PSPC1: variants seen among roughly 807,000 people sequenced by gnomAD.
PSPC1 encodes paraspeckle component 1.
A neutral mutation model predicts 51.6 loss-of-function variants in PSPC1; 14 were observed. The ratio of observed to expected loss-of-function variants is 0.27; its 90% CI spans 0.18 to 0.42. The LOEUF is 0.42. Among genes scored for constraint, PSPC1 ranks in the 10% least tolerant of loss-of-function variants. PSPC1 has a pLI of 1.00. For missense variants in PSPC1, 406 were observed against 701.1 expected (o/e 0.58, Z 4.75); for synonymous variants, 193 against 231.9 (o/e 0.83, Z 1.53).
intron 7 of PSPC1, among the ~76,000 whole-genome samples, chr13:19,707,960 T>C (rs1593582312): frequency 6.6e-6 from 1 of 152,360 alleles, no homozygotes; most frequent in East Asian, 1.9e-4. Flanking sequence ...GACATCATTA[T>C]ACTCAATTAT....
chr13:19,782,351 C>A lies in PSPC1; in HGVS notation c.372+35G>T, dbSNP rs1296671786. The A allele has an allele frequency of 1.9e-6, 3 of 1,550,338 alleles. No homozygotes were observed. The highest frequency in any genetic ancestry group is 1.7e-6 in the Non-Finnish European group (2 of 1,149,358). ...ACGACCCCGCGGCCACCCCGACAGT[C>A]CTTTTGTTCCCTCGCGCGGGCGCCT... On this transcript the variant is annotated intron_variant, in intron 1 of 8. Transcript: ENST00000338910. This position sits in a 1 kb window ranked among gnomAD's most constrained non-coding sequence, Gnocchi z 4.5.
intron 2 of PSPC1, 28 bp from the exon 3 acceptor site, chr13:19,759,446 A>G: frequency 6.7e-7 from 1 of 1,496,270 alleles, no homozygotes; most frequent in East Asian, 2.3e-5. Context: ...CATTCATAAA[A>G]ATTAACACAG....
intron 1 of PSPC1, among the ~76,000 whole-genome samples, chr13:19,779,805 TACTGGGAAGTGAGGAGCCCCTCTGCCC>T (rs1889699442): frequency 2.1e-4 from 14 of 67,648 alleles, no homozygotes; most frequent in Admixed American, 1.3e-3. Flanking sequence ...CGGCCGCCCC[TACTGGGAAGTGAGGAGCCCCTCTGCCC>T]GGCCAGCCGC....
At chr13:19,703,940 T>G (rs942817023) in intron 8 of PSPC1, among the ~76,000 whole-genome samples, 2 of 152,202 alleles carry the variant, frequency 1.3e-5, no homozygotes, top group Admixed American at 1.3e-4. Flanking sequence ...AAAATTAATG[T>G]AATAACATGC....
chr13:19,728,268 A>C (rs772667311), intron 6 of PSPC1, among the ~76,000 whole-genome samples: 7 of 152,146 alleles, frequency 4.6e-5, no homozygotes, highest in Middle Eastern at 3.2e-3. Context: ...GTTTTGTTGG[A>C]ATATTTCTAT....
downstream of PSPC1, among the ~76,000 whole-genome samples, chr13:19,698,694 A>ATTT (rs747035702): frequency 4.6e-5 from 7 of 151,964 alleles, no homozygotes; most frequent in Non-Finnish European, 8.8e-5. Flanking sequence ...AGAAAGGCAC[A>ATTT]TTTAAAAAGA....
intron 2 of PSPC1, among the ~76,000 whole-genome samples, chr13:19,771,992 G>T (rs942476505): frequency 1.3e-5 from 2 of 152,100 alleles, no homozygotes; most frequent in Non-Finnish European, 2.9e-5. Flanking sequence ...ATTTTACTTT[G>T]TATATATGTT....
At chr13:19,776,514 CA>C (rs1163234244) in intron 1 of PSPC1, among the ~76,000 whole-genome samples, 1 of 151,264 alleles carries the variant, frequency 6.6e-6, no homozygotes, top group Non-Finnish European at 1.5e-5. Flanking sequence ...TTACTATATG[CA>C]AATTTTTTTT....
At chr13:19,672,736 G>C (rs945831142), downstream of PSPC1, 3 of 168,282 alleles carry the variant, frequency 1.8e-5, no homozygotes, top group African/African-American at 7.2e-5. Flanking sequence ...TTTTCAAAGG[G>C]TAACAAGAGA....
At chr13:19,678,773 T>C (rs1373203538) in intron 6 of PSPC1, 1 of 152,306 alleles carries the variant, frequency 6.6e-6, no homozygotes, top group Non-Finnish European at 1.5e-5. Context: ...TGTTTTTGTT[T>C]TGAGAGAGGG....
chr13:19,698,830 C>T (rs2137693293), downstream of PSPC1, among the ~76,000 whole-genome samples: 1 of 151,930 alleles, frequency 6.6e-6, no homozygotes, highest in East Asian at 1.9e-4. Flanking sequence ...TATGTATAAA[C>T]TCTGGCTATA....
chr13:19,734,997 C>A (rs200275278), intron 5 of PSPC1, among the ~76,000 whole-genome samples: 3 of 147,588 alleles, frequency 2.0e-5, no homozygotes, highest in Admixed American at 1.4e-4. Context: ...AACAAACAAA[C>A]AAACAAAAAA....
intron 6 of PSPC1, among the ~76,000 whole-genome samples, chr13:19,693,832 A>C (rs1402986129): frequency 1.3e-5 from 2 of 152,150 alleles, no homozygotes; most frequent in Non-Finnish European, 2.9e-5. Context: ...ATGAATATAT[A>C]CTTAAACTTG....
chr13:19,685,430 A>G (rs544702049), intron 6 of PSPC1, among the ~76,000 whole-genome samples: 54 of 152,334 alleles, frequency 3.5e-4, no homozygotes, highest in African/African-American at 1.3e-3. Context: ...TTCGGCTAAT[A>G]ACTTGTTTAT....
At chr13:19,765,624 G>C (rs1053824253) in intron 2 of PSPC1, among the ~76,000 whole-genome samples, 33 of 150,774 alleles carry the variant, frequency 2.2e-4, no homozygotes, top group African/African-American at 7.5e-4. Context: ...ACTACACTCA[G>C]CTTGTTTTAA....
Position 19,741,574 on chromosome 13 carries a change from A to T in PSPC1, c.1043T>A (p.Ile348Lys). 1.3e-6 allele frequency: 2 copies of T among 1,587,658 alleles called. No individual in the cohort carries two copies. The highest frequency in any genetic ancestry group is 1.7e-6 in the Non-Finnish European group (2 of 1,159,960). The stretch of plus-strand genomic sequence containing the variant: ...AATGATCTTCTTTTACCTTAGTTGT[A>T]TTTGCTTCCGTTTTTGCAACTCTTG... ...RNQELQKRKQIQLRHEEEHRR... is the reference protein window; with the variant it reads ...RNQELQKRKQKQLRHEEEHRR... Residue 348 changes from isoleucine (I) to lysine (K), a missense_variant, in exon 5 of 9, where the codon ATA becomes AAA. By Grantham distance (102) the Ile-to-Lys change is moderately radical. Around this residue, in one of 5 missense-constraint regions of PSPC1, gnomAD observed 180 missense variants for 337.9 expected, o/e 0.53. Transcript: ENST00000338910.
At chr13:19,730,969 A>AAAAAAAAAAAAAAC (rs1884023504) in intron 5 of PSPC1, among the ~76,000 whole-genome samples, 2 of 146,608 alleles carry the variant, frequency 1.4e-5, no homozygotes, top group Non-Finnish European at 1.5e-5. Context: ...AAAAAACAAA[A>AAAAAAAAAAAAAAC]AAAAAAAAAA....
chr13:19,682,500 A>G (rs1877381059), intron 6 of PSPC1, among the ~76,000 whole-genome samples: 1 of 151,976 alleles, frequency 6.6e-6, no homozygotes, highest in African/African-American at 2.4e-5. Flanking sequence ...AAAAAAAAAA[A>G]AAAAAAGCAG....
At chr13:19,690,234 T>A (rs1272096311) in intron 6 of PSPC1, among the ~76,000 whole-genome samples, 1 of 152,208 alleles carries the variant, frequency 6.6e-6, no homozygotes, top group Non-Finnish European at 1.5e-5. Flanking sequence ...CACACTGTCA[T>A]CTTAAAGTTC....
Sources: allele counts gnomAD v4.1 joint callset (sites outside exome capture counted in the v4.1 genomes callset), GRCh38; gene constraint gnomAD v4.1.1; regional missense constraint gnomAD v4.1.1; non-coding constraint Gnocchi (gnomAD v3.1); transcripts MANE v1.5; gene names NCBI Gene and HGNC (gene_info 2026-07-23, HGNC 2026-07-21).